Variants in MAGEC3 observed in about 807,000 individuals in gnomAD.
MAGEC3 encodes the protein MAGE family member C3.
Under a neutral mutation model 35.3 loss-of-function variants are expected in MAGEC3, and 34 were observed. That is an observed-to-expected ratio of 0.96 (90% CI 0.73 to 1.28). MAGEC3 has a LOEUF of 1.28. MAGEC3 is among the 50% of genes most tolerant of loss of function. The pLI is 0.00. For missense variants in MAGEC3, 561 were observed against 483.6 expected, an observed-to-expected ratio of 1.16 and a Z score of -1.50; for synonymous variants, 202 against 185.6, an observed-to-expected ratio of 1.09 and a Z score of -0.72.
chrX:141,887,180 A>G (rs1245544545), intron 4 of MAGEC3, among the ~76,000 whole-genome samples: 2 of 112,728 alleles, frequency 1.8e-5, no homozygotes, highest in African/African-American at 6.4e-5. Flanking sequence ...CACCAGAAGC[A>G]AATTGCCTTC....
intron 4 of MAGEC3, among the ~76,000 whole-genome samples, chrX:141,891,884 A>G (rs180973920): frequency 9.1e-6 from 1 of 109,943 alleles, no homozygotes; most frequent in East Asian, 2.8e-4. Context: ...ATTTGGAGAT[A>G]GGATTATTTC....
chrX:141,881,566 A>G lies in MAGEC3; in HGVS notation c.679A>G (p.Arg227Gly), dbSNP rs1218863127. 8.3e-7 allele frequency: 1 copy of G among 1,209,607 alleles called. No individual in the cohort carries two copies. Among genetic ancestry groups the G allele is most frequent in the Non-Finnish European group, 1.1e-6 (1 of 894,962 alleles). The change falls in exon 4 of 8, where the codon AGG becomes GGG. Residue 227 changes from arginine (R) to glycine (G), a missense_variant. Physicochemically the swap from Arg to Gly is moderately radical, Grantham distance 125 (BLOSUM62 -2). Transcript: ENST00000298296. ...TYTGYFPMIF[R>G]KAREFIEILF... ...CACGGGCTACTTTCCTATGATCTTC[A>G]GGAAAGCCCGTGAGTTCATAGAGAT...
rs868688479 is a variant in MAGEC3 at position 141,897,500 on chromosome X, G to A, written c.1728+14G>A. 8.3e-6 allele frequency: 10 copies of A among 1,198,412 alleles called. No individual in the cohort carries two copies. The East Asian group carries it at 1.5e-4, about 18-fold the overall frequency. Reference sequence around the variant, plus strand: ...AGTGCAATAGGGGTGTGTGCTGGGAGGGAGCACTTTATATATGGGGATCCC... The same window carrying A: ...AGTGCAATAGGGGTGTGTGCTGGGAAGGAGCACTTTATATATGGGGATCCC... On this transcript the variant is annotated intron_variant, in intron 7 of 7. Transcript: ENST00000298296.
At chrX:141,867,746 A>G (rs2017858353) in intron 2 of MAGEC3, among the ~76,000 whole-genome samples, 2 of 94,216 alleles carry the variant, frequency 2.1e-5, no homozygotes, top group South Asian at 1.0e-3. Flanking sequence ...TCCTCCTGCA[A>G]ATAGTAGAGT....
rs2018113260 is a variant in MAGEC3, at chrX:141,897,497, G to C, written c.1728+11G>C. The C allele has an allele frequency of 8.3e-7, 1 of 1,198,787 alleles. No homozygotes were observed. Among genetic ancestry groups the C allele is most frequent in the Non-Finnish European group, 1.1e-6 (1 of 890,026 alleles). ...TTGAGTGCAATAGGGGTGTGTGCTGGGAGGGAGCACTTTATATATGGGGAT... is the reference window on the plus strand; with the variant it reads ...TTGAGTGCAATAGGGGTGTGTGCTGCGAGGGAGCACTTTATATATGGGGAT... On this transcript the variant is annotated intron_variant, in intron 7 of 7. Coordinates refer to ENST00000298296, the MANE Select transcript of MAGEC3 (RefSeq NM_138702.1).
chrX:141,894,312 A>G (rs1173605119), intron 4 of MAGEC3, among the ~76,000 whole-genome samples: 1 of 112,202 alleles, frequency 8.9e-6, no homozygotes, highest in Non-Finnish European at 1.9e-5. Flanking sequence ...AAAAATTAAT[A>G]AAAATTATAA....
rs994941961 is a variant in MAGEC3, at chrX:141,869,661, C to T, written c.258+4056C>T. ...TTTGAGAGCACTTGCTAAGGCGACA[C>T]AGCTTGATTATAAATCATGTTTTGA... On this transcript the variant is annotated intron_variant, in intron 2 of 7. Transcript: ENST00000298296. Among the ~76,000 whole-genome samples the T allele has an allele frequency of 6.3e-5, 7 of 111,944 alleles. No homozygotes were observed. In the Admixed American group the frequency reaches 6.6e-4, roughly 11 times the overall value.
At chrX:141,872,830 T>G (rs1264994152) in intron 2 of MAGEC3, among the ~76,000 whole-genome samples, 1 of 111,632 alleles carries the variant, frequency 9.0e-6, no homozygotes, top group African/African-American at 3.3e-5. Flanking sequence ...AGCCTCACAG[T>G]CCCCTTCAGG....
At chrX:141,838,930 C>T (rs5907188) in intron 1 of MAGEC3, 291,357 of 681,028 alleles carry the variant, frequency 0.43, 45,383 homozygotes, top group African/African-American at 0.47. Flanking sequence ...TAAAATGGTA[C>T]TTTGTTGTAG....
intron 2 of MAGEC3, among the ~76,000 whole-genome samples, chrX:141,866,636 A>C (rs1016710997): frequency 8.0e-5 from 9 of 112,521 alleles, no homozygotes; most frequent in Non-Finnish European, 1.1e-4. Context: ...GAAACATGTA[A>C]ATGAATATTA....
intron 2 of MAGEC3, among the ~76,000 whole-genome samples, chrX:141,867,145 TA>T (rs973167139): frequency 1.8e-5 from 2 of 110,406 alleles, no homozygotes. Context: ...TCTGTTCCAT[TA>T]AAAAAAAATC....
At chrX:141,893,642 CTGTGTGTG>C (rs770042816) in intron 4 of MAGEC3, among the ~76,000 whole-genome samples, 2 of 85,131 alleles carry the variant, frequency 2.3e-5, no homozygotes, top group African/African-American at 4.9e-5. Context: ...ATAGGAGACA[CTGTGTGTG>C]TGTGTGTGTG....
At chrX:141,860,546 C>G (rs1406052245) in intron 1 of MAGEC3, among the ~76,000 whole-genome samples, 1 of 111,525 alleles carries the variant, frequency 9.0e-6, no homozygotes, top group African/African-American at 3.3e-5. Context: ...TGGAAACAAC[C>G]CAAATGTCTG....
chrX:141,875,415 G>C (rs1212352005), intron 2 of MAGEC3, among the ~76,000 whole-genome samples: 1 of 111,427 alleles, frequency 9.0e-6, no homozygotes, highest in Non-Finnish European at 1.9e-5. Flanking sequence ...CTCAGGGAAT[G>C]CCCTCCCCTC....
rs1340275698 is a variant in MAGEC3, at chrX:141,879,402, A to C, written c.486A>C (p.Gly162=). Reference sequence around the variant, plus strand: ...TTTCCCTTCCTGCCGTCAGCCCTGGAAAAAGGTTGTGGGGGGAGAAAGCGG... The same window carrying C: ...TTTCCCTTCCTGCCGTCAGCCCTGGCAAAAGGTTGTGGGGGGAGAAAGCGG... ...YTLSLPAVSP[G]KRLWGEKAGS... The change falls in exon 3 of 8, where the codon GGA becomes GGC. Residue 162 remains glycine (G), a synonymous_variant. Coordinates refer to ENST00000298296, the MANE Select transcript of MAGEC3 (RefSeq NM_138702.1). 8.4e-7 allele frequency: 1 copy of C among 1,183,865 alleles called. No individual in the cohort carries two copies. Among genetic ancestry groups the C allele is most frequent in the Non-Finnish European group, 1.1e-6 (1 of 880,714 alleles).
chrX:141,896,811 C>T, intron 6 of MAGEC3, 71 bp from the exon 7 acceptor site: 7 of 1,205,143 alleles, frequency 5.8e-6, no homozygotes, highest in Non-Finnish European at 7.9e-6. Context: ...TATTCCCCTC[C>T]TCCTCTTCCT....
chrX:141,895,179 G>A, intron 4 of MAGEC3, 90 bp from the exon 5 acceptor site: 2 of 1,012,591 alleles, frequency 2.0e-6, no homozygotes, highest in South Asian at 2.1e-5. Context: ...GTGCGGGGAA[G>A]TGGTCAGGAA....
chrX:141,852,914 G>C (rs189935879), intron 1 of MAGEC3, among the ~76,000 whole-genome samples: 2 of 111,047 alleles, frequency 1.8e-5, no homozygotes, highest in African/African-American at 6.5e-5. Flanking sequence ...ATCTGGTTTG[G>C]TATTATAGAA....
intron 3 of MAGEC3, among the ~76,000 whole-genome samples, chrX:141,879,853 A>G (rs1055332530): frequency 3.7e-4 from 41 of 111,135 alleles, no homozygotes; most frequent in African/African-American, 1.2e-3. Context: ...GCAGACAGGA[A>G]GAGGGTAACC....
Sources: allele counts gnomAD v4.1 joint callset (sites outside exome capture counted in the v4.1 genomes callset), GRCh38; gene constraint gnomAD v4.1.1; transcripts MANE v1.5; gene names NCBI Gene and HGNC (gene_info 2026-07-23, HGNC 2026-07-21).